FAM168A: variants seen among roughly 807,000 people sequenced by gnomAD.
The protein encoded by FAM168A is protein FAM168A.
In FAM168A, 3 loss-of-function variants were observed where a neutral mutation model predicts 28.5. The ratio of observed to expected loss-of-function variants is 0.11; its 90% CI spans 0.05 to 0.27. The LOEUF (loss-of-function observed/expected upper bound fraction) is 0.27. FAM168A is among the 10% of genes least tolerant of loss of function. The pLI is 1.00. For synonymous variants in FAM168A, 122 were observed against 124.2 expected (o/e 0.98, Z 0.12); for missense variants, 222 against 311.5 (o/e 0.71, Z 2.16).
intron 1 of FAM168A, among the ~76,000 whole-genome samples, chr11:73,536,003 C>T (rs531285199): frequency 3.3e-5 from 5 of 152,136 alleles, no homozygotes; most frequent in Middle Eastern, 3.4e-3. Context: ...CACACCACCA[C>T]GCCTAGCTAA....
chr11:73,417,559 CT>C (rs11284405), intron 4 of FAM168A, among the ~76,000 whole-genome samples: 31,027 of 129,554 alleles, frequency 0.24, 3,215 homozygotes, highest in African/African-American at 0.44. Flanking sequence ...ACCTCTCTCT[CT>C]TTTTTTTTTT....
intron 1 of FAM168A, among the ~76,000 whole-genome samples, chr11:73,590,632 C>T (rs1944370111): frequency 6.6e-6 from 1 of 152,164 alleles, no homozygotes; most frequent in African/African-American, 2.4e-5. Context: ...GCTGGTTATA[C>T]ATTTTGTGCA....
chr11:73,428,910 T>C (rs912173694), intron 3 of FAM168A, among the ~76,000 whole-genome samples: 6 of 152,206 alleles, frequency 3.9e-5, no homozygotes, highest in Non-Finnish European at 8.8e-5. Context: ...ATCTTGGGCA[T>C]AACAGAGTGG....
intron 2 of FAM168A, among the ~76,000 whole-genome samples, chr11:73,435,232 T>G (rs1421297839): frequency 1.3e-5 from 2 of 152,246 alleles, no homozygotes; most frequent in Non-Finnish European, 2.9e-5. Context: ...GCTAACTTGT[T>G]GATTAATTAG....
chr11:73,409,730 G>T, intron 5 of FAM168A, 69 bp from the exon 6 acceptor site: 1 of 1,484,784 alleles, frequency 6.7e-7, no homozygotes, highest in Non-Finnish European at 9.1e-7. Context: ...GAGCAGCACT[G>T]GCTGAAGGAC....
intron 2 of FAM168A, among the ~76,000 whole-genome samples, chr11:73,438,148 A>T (rs1867126061): frequency 6.6e-6 from 1 of 152,168 alleles, no homozygotes; most frequent in Non-Finnish European, 1.5e-5. Context: ...CATCATCATC[A>T]TAGCATCTGG....
intron 1 of FAM168A, among the ~76,000 whole-genome samples, chr11:73,479,913 C>T (rs728722): frequency 0.13 from 19,099 of 152,164 alleles, 1,507 homozygotes; most frequent in South Asian, 0.24. Context: ...AGTATTTCTT[C>T]TTACCAAACA....
chr11:73,468,340 C>T, intron 2 of FAM168A, 65 bp downstream of exon 2: 1 of 1,479,876 alleles, frequency 6.8e-7, no homozygotes, highest in Non-Finnish European at 9.4e-7. Flanking sequence ...GGAGGAGGAG[C>T]AAGTTATTTG....
chr11:73,473,591 CTTG>C (rs1203249130), intron 1 of FAM168A, among the ~76,000 whole-genome samples: 1 of 152,138 alleles, frequency 6.6e-6, no homozygotes. Context: ...CAATGACTTC[CTTG>C]TTGTTCCCTG....
chr11:73,595,832 T>C (rs1032128550), intron 1 of FAM168A, among the ~76,000 whole-genome samples: 21 of 152,228 alleles, frequency 1.4e-4, no homozygotes, highest in African/African-American at 4.3e-4. Context: ...CTGAATTCCT[T>C]TGGAAGAAAA....
chr11:73,438,288 A>C (rs1237261566), intron 2 of FAM168A, among the ~76,000 whole-genome samples: 1 of 152,246 alleles, frequency 6.6e-6, no homozygotes, highest in Non-Finnish European at 1.5e-5. Flanking sequence ...GAATGCTGAA[A>C]GTGTTATCAG....
At chr11:73,586,693 T>C (rs1944317164) in intron 1 of FAM168A, among the ~76,000 whole-genome samples, 1 of 152,240 alleles carries the variant, frequency 6.6e-6, no homozygotes, top group Non-Finnish European at 1.5e-5. Flanking sequence ...CCAAAGTCAT[T>C]ATACAAGATT....
In FAM168A at chr11:73,400,652, G is replaced by C. The variant is rs1866388171; in HGVS notation, c.*6111C>G. 1 of 152,246 alleles carries C rather than the reference G, an allele frequency of 6.6e-6. No individual in the cohort carries two copies. Among genetic ancestry groups the C allele is most frequent in the South Asian group, 2.1e-4 (1 of 4,836 alleles). The allele number at this position is 152,246 out of a possible 1,614,324, so 9.4% of individuals were successfully genotyped here. On this transcript the variant is annotated 3_prime_UTR_variant, in exon 8 of 8. Coordinates refer to ENST00000356467, the MANE Select transcript of FAM168A (RefSeq NM_015159.3). Reference sequence around the variant, plus strand: ...AGGGCAGACCCCTGTCAGATCAGCTGTAAGATGTACCATAGGTTTTTCTTG... The same window carrying C: ...AGGGCAGACCCCTGTCAGATCAGCTCTAAGATGTACCATAGGTTTTTCTTG...
At chr11:73,419,489 C>T (rs1866755451) in intron 4 of FAM168A, among the ~76,000 whole-genome samples, 1 of 152,044 alleles carries the variant, frequency 6.6e-6, no homozygotes, top group South Asian at 2.1e-4. Flanking sequence ...ATTATTTGGC[C>T]TAGATGTCAA....
At chr11:73,463,493 ATGG>A (rs1421003931) in intron 2 of FAM168A, among the ~76,000 whole-genome samples, 1 of 152,218 alleles carries the variant, frequency 6.6e-6, no homozygotes, top group Non-Finnish European at 1.5e-5. Context: ...TGAGACATTC[ATGG>A]AGGAGATGTT....
chr11:73,571,543 CAGTGCTCAATGGTGCCCAGGCTGG>C (rs1944090079), intron 1 of FAM168A, among the ~76,000 whole-genome samples: 1 of 152,082 alleles, frequency 6.6e-6, no homozygotes, highest in Non-Finnish European at 1.5e-5. Flanking sequence ...CTCGTTCACT[CAGTGCTCAATGGTGCCCAGGCTGG>C]AGTGCAGTGG....
At chr11:73,554,008 AAT>A (rs1565295965) in intron 1 of FAM168A, among the ~76,000 whole-genome samples, 3 of 150,962 alleles carry the variant, frequency 2.0e-5, no homozygotes, top group Non-Finnish European at 4.4e-5. Flanking sequence ...ATCTCAAAAA[AAT>A]AAAAATAAAA....
At chr11:73,521,294 A>G (rs1943372597) in intron 1 of FAM168A, among the ~76,000 whole-genome samples, 1 of 151,958 alleles carries the variant, frequency 6.6e-6, no homozygotes. Context: ...ACCCTATACT[A>G]CTATTGTGTG....
rs779826285 is a variant in FAM168A at position 73,436,264 on chromosome 11, T to C, written c.71-5494A>G. Among the ~76,000 whole-genome samples the C allele has an allele frequency of 5.3e-5, 8 of 152,340 alleles. No individual in the cohort carries two copies. The South Asian group carries it at 8.3e-4, about 16-fold the overall frequency. ...AAATGTAAAGCTATTTTTTGATTAA[T>C]ATGGAAATTAGAAATTACTTTCAAC... On this transcript the variant is annotated intron_variant, in intron 2 of 7. Transcript: ENST00000356467.
Sources: gnomAD v4.1 joint callset for allele counts (sites outside exome capture counted in the v4.1 genomes callset) on GRCh38, gnomAD v4.1.1 for gene constraint, MANE v1.5 for transcripts, NCBI Gene and HGNC (gene_info 2026-07-23, HGNC 2026-07-21) for gene names.